Variants in KDM6A observed in about 807,000 individuals in gnomAD.
The protein encoded by KDM6A is lysine demethylase 6A, also known as lysine-specific demethylase 6A.
Under a neutral mutation model 117.6 loss-of-function variants are expected in KDM6A, and 11 were observed. The ratio of observed to expected loss-of-function variants is 0.09; its 90% CI spans 0.06 to 0.15. The LOEUF (loss-of-function observed/expected upper bound fraction) is 0.15, where lower values mean the gene tolerates loss of function less well. Ranked by LOEUF, KDM6A falls within the 10% of genes least tolerant of loss-of-function variation. The probability of loss-of-function intolerance (pLI) is 1.00; values close to 1 mark genes in which losing one functional copy is unlikely to be tolerated. For missense variants in KDM6A, 799 were observed against 1,077.3 expected (o/e 0.74, Z 3.62); for synonymous variants, 384 against 396.1 (o/e 0.97, Z 0.36).
intron 2 of KDM6A, among the ~76,000 whole-genome samples, chrX:44,960,383 A>G (rs2038599411): frequency 8.9e-6 from 1 of 111,734 alleles, no homozygotes; most frequent in Non-Finnish European, 1.9e-5. Context: ...AGAGAATTAG[A>G]GCTTTGTTAT....
At chrX:45,081,704 T>C (rs924584097) in intron 21 of KDM6A, among the ~76,000 whole-genome samples, 1 of 112,163 alleles carries the variant, frequency 8.9e-6, no homozygotes, top group Non-Finnish European at 1.9e-5. Context: ...GAATCTGTAT[T>C]ATAACTTTGT....
At chrX:45,109,959 T>C in intron 28 of KDM6A, 120 bp from the exon 29 acceptor site, 1 of 671,949 alleles carries the variant, frequency 1.5e-6, no homozygotes, top group Non-Finnish European at 2.3e-6. Context: ...TCTTACCACC[T>C]ACTCTTAACC....
intron 2 of KDM6A, among the ~76,000 whole-genome samples, chrX:44,877,684 A>G (rs1389071599): frequency 9.1e-6 from 1 of 110,479 alleles, no homozygotes; most frequent in Non-Finnish European, 1.9e-5. Context: ...TATCTGCGTC[A>G]GGGAACTATT....
intron 6 of KDM6A, among the ~76,000 whole-genome samples, chrX:45,021,165 T>G (rs1022268565): frequency 1.9e-5 from 2 of 106,551 alleles, no homozygotes; most frequent in African/African-American, 7.3e-5. Context: ...ACATCTTATA[T>G]TTAAATTAGA....
intron 8 of KDM6A, among the ~76,000 whole-genome samples, chrX:45,039,541 T>A (rs2042965179): frequency 1.2e-5 from 1 of 80,726 alleles, no homozygotes; most frequent in East Asian, 4.2e-4. Flanking sequence ...TTGATCATTC[T>A]TGGGTGTTTC....
intron 29 of KDM6A, 64 bp downstream of exon 29, chrX:45,110,313 C>A (rs2148309745): frequency 1.0e-6 from 1 of 972,793 alleles, no homozygotes; most frequent in Non-Finnish European, 1.5e-6. Flanking sequence ...GTTTGCTCTG[C>A]CACCTGATAA....
chrX:44,980,203 C>G (rs751569624), intron 4 of KDM6A, among the ~76,000 whole-genome samples: 1 of 110,467 alleles, frequency 9.1e-6, no homozygotes, highest in South Asian at 3.9e-4. Flanking sequence ...ACCATGTTGG[C>G]CAGGATGGTC....
chrX:45,059,351 C>T lies in KDM6A; in HGVS notation c.1079C>T (p.Thr360Ile), dbSNP rs1281139041. 2 of 1,210,842 alleles carry T rather than the reference C, an allele frequency of 1.7e-6. No individual in the cohort carries two copies. Among genetic ancestry groups the T allele is most frequent in the Non-Finnish European group, 2.2e-6 (2 of 894,813 alleles). Residue 360 changes from threonine to isoleucine, a missense_variant, in exon 12 of 30, where the codon ACT (threonine) becomes ATT (isoleucine). By Grantham distance (89) the Thr-to-Ile change is moderately conservative. Transcript: ENST00000611820. ...GHAAAWMDLG[T>I]LYESCNQPQD... ...GCTGCAGCCTGGATGGACCTAGGCACTCTCTATGAATCCTGCAACCAGCCT... is the reference window on the plus strand; with the variant it reads ...GCTGCAGCCTGGATGGACCTAGGCATTCTCTATGAATCCTGCAACCAGCCT...
intron 4 of KDM6A, among the ~76,000 whole-genome samples, chrX:44,986,257 T>C (rs1411364854): frequency 9.0e-5 from 10 of 111,493 alleles, no homozygotes; most frequent in African/African-American, 2.9e-4. Context: ...GTGGTGATAT[T>C]CCCTTTATCA....
At chrX:45,083,867 C>T (rs1298381966) in intron 24 of KDM6A, among the ~76,000 whole-genome samples, 1 of 111,242 alleles carries the variant, frequency 9.0e-6, no homozygotes, top group Non-Finnish European at 1.9e-5. Flanking sequence ...GTTCTTTTGG[C>T]CTGAAGACTC....
At chrX:45,086,026 T>C in intron 25 of KDM6A, 47 bp downstream of exon 25, 1 of 799,345 alleles carries the variant, frequency 1.3e-6, no homozygotes, top group Non-Finnish European at 1.9e-6. Context: ...TAGAAAGCAG[T>C]AATTGTAAAC....
chrX:44,899,455 A>G (rs2034187201), intron 2 of KDM6A, among the ~76,000 whole-genome samples: 1 of 109,247 alleles, frequency 9.2e-6, no homozygotes, highest in Non-Finnish European at 1.9e-5. Flanking sequence ...CTGGAGTAGG[A>G]TGGGTTTTGC....
intron 10 of KDM6A, among the ~76,000 whole-genome samples, chrX:45,057,502 A>G (rs1195033011): frequency 9.0e-6 from 1 of 111,332 alleles, no homozygotes; most frequent in Middle Eastern, 4.2e-3. Context: ...GTTCTAAACC[A>G]GTGAATGTAG....
intron 2 of KDM6A, among the ~76,000 whole-genome samples, chrX:44,909,120 A>G (rs1010205133): frequency 1.8e-5 from 2 of 111,677 alleles, no homozygotes; most frequent in Non-Finnish European, 1.9e-5. Context: ...TTCCTCCTCA[A>G]GGGTAACCAT....
At chrX:44,934,840 C>A (rs962701533) in intron 2 of KDM6A, among the ~76,000 whole-genome samples, 1 of 110,755 alleles carries the variant, frequency 9.0e-6, no homozygotes, top group African/African-American at 3.3e-5. Context: ...AGGAGTAGAT[C>A]CTATATAGAT....
chrX:45,100,470 G>A (rs1273886706), intron 27 of KDM6A, among the ~76,000 whole-genome samples: 1 of 111,960 alleles, frequency 8.9e-6, no homozygotes, highest in Non-Finnish European at 1.9e-5. Context: ...AAATCACCAC[G>A]ATAAGTAATT....
At chrX:45,001,974 A>G (rs2041165195) in intron 4 of KDM6A, among the ~76,000 whole-genome samples, 1 of 111,306 alleles carries the variant, frequency 9.0e-6, no homozygotes. Flanking sequence ...TGCCTGTGCT[A>G]AAAGACTTTT....
chrX:44,936,027 G>A (rs1281582514), intron 2 of KDM6A, among the ~76,000 whole-genome samples: 1 of 112,000 alleles, frequency 8.9e-6, no homozygotes, highest in Non-Finnish European at 1.9e-5. Flanking sequence ...ACTATAAACT[G>A]GGTGATTGAA....
chrX:44,954,068 A>AAAT (rs1243876094), intron 2 of KDM6A, among the ~76,000 whole-genome samples: 1 of 109,777 alleles, frequency 9.1e-6, no homozygotes, highest in East Asian at 2.8e-4. Flanking sequence ...AAAAAAAAAA[A>AAAT]AATAATAATA....
Sources: gnomAD v4.1 joint callset for allele counts (sites outside exome capture counted in the v4.1 genomes callset) on GRCh38, gnomAD v4.1.1 for gene constraint, MANE v1.5 for transcripts, NCBI Gene and HGNC (gene_info 2026-07-23, HGNC 2026-07-21) for gene names.